Variants in HACE1 observed in about 807,000 individuals in gnomAD.
The protein encoded by HACE1 is HECT domain and ankyrin repeat containing E3 ubiquitin protein ligase 1.
Under a neutral mutation model 118.4 loss-of-function variants are expected in HACE1, and 73 were observed. The observed-to-expected ratio is 0.62, with a 90% CI of 0.51 to 0.75. The LOEUF (loss-of-function observed/expected upper bound fraction) is 0.75, where lower values mean the gene tolerates loss of function less well. Among genes scored for constraint, HACE1 ranks in the 30% least tolerant of loss-of-function variants. The pLI, the probability that HACE1 is intolerant of heterozygous loss-of-function variation, is 0.00. For synonymous variants in HACE1, 368 were observed against 374.8 expected (o/e 0.98, Z 0.21); for missense variants, 749 against 1,102.2 (o/e 0.68, Z 4.54).
rs572503355 is a variant in HACE1 at position 104,799,905 on chromosome 6, G to A, written c.618-2880C>T. 5.2e-5 allele frequency among the ~76,000 whole-genome samples: 7 copies of A among 135,056 alleles called. No homozygotes were observed. The East Asian group carries it at 1.2e-3, about 24-fold the overall frequency. The allele number at this position is 135,056 out of a possible 152,430, so 88.6% of individuals were successfully genotyped here. A position where few individuals can be genotyped will look rare whatever the true frequency, so the allele number is the denominator to read the frequency against. On this transcript the variant is annotated intron_variant, in intron 7 of 23. Coordinates refer to ENST00000262903, the MANE Select transcript of HACE1 (RefSeq NM_020771.4). ...GGACAGTAGGTGCAGCCCACGGAGG[G>A]TGAGCACCTCACTTGGGAAGCTCAA... is the stretch of plus-strand genomic sequence containing the variant.
At chr6:104,797,994 G>C (rs1182576869) in intron 7 of HACE1, among the ~76,000 whole-genome samples, 2 of 151,600 alleles carry the variant, frequency 1.3e-5, no homozygotes, top group African/African-American at 4.8e-5. Context: ...CTTGAACCCG[G>C]GAGGCAGAAG....
intron 18 of HACE1, 124 bp from the exon 19 acceptor site, chr6:104,771,513 A>C (rs1237021552): frequency 1.6e-6 from 1 of 642,762 alleles, no homozygotes; most frequent in Non-Finnish European, 2.8e-6. Flanking sequence ...TCCTACACAC[A>C]GCATATTTTA....
chr6:104,798,874 C>G (rs1027351079), intron 7 of HACE1, among the ~76,000 whole-genome samples: 1 of 152,144 alleles, frequency 6.6e-6, no homozygotes, highest in Admixed American at 6.5e-5. Flanking sequence ...AATGATATCT[C>G]TTTTACAGTT....
At chr6:104,752,983 T>C (rs906955950) in intron 19 of HACE1, among the ~76,000 whole-genome samples, 2 of 152,164 alleles carry the variant, frequency 1.3e-5, no homozygotes, top group Non-Finnish European at 2.9e-5. Flanking sequence ...AACACTTAAT[T>C]TTTCAGTAAT....
intron 6 of HACE1, among the ~76,000 whole-genome samples, chr6:104,830,860 G>A (rs1457072125): frequency 6.8e-6 from 1 of 146,840 alleles, no homozygotes; most frequent in Non-Finnish European, 1.5e-5. Flanking sequence ...TTTCTGACCT[G>A]TTCTGGTTCA....
chr6:104,841,133 A>AT (rs1443295502), intron 5 of HACE1, among the ~76,000 whole-genome samples: 19 of 152,162 alleles, frequency 1.2e-4, no homozygotes, highest in Admixed American at 1.1e-3. Flanking sequence ...AAAAAAAAAA[A>AT]AATAGCTGAG....
intron 6 of HACE1, among the ~76,000 whole-genome samples, chr6:104,822,814 G>A (rs994517650): frequency 3.9e-5 from 6 of 151,944 alleles, no homozygotes; most frequent in African/African-American, 7.3e-5. Flanking sequence ...CGGAGATCGC[G>A]CCACTGCACT....
chr6:104,728,699 TCAAGTA>T lies in HACE1; in HGVS notation c.*957_*962del, dbSNP rs1774896829. 1 of 152,180 alleles carries T rather than the reference TCAAGTA, an allele frequency of 6.6e-6. No individual in the cohort carries two copies. Among genetic ancestry groups the T allele is most frequent in the South Asian group, 2.1e-4 (1 of 4,836 alleles). 9.4% of individuals were successfully genotyped at this position (152,180 alleles called of 1,614,324 possible). A position where few individuals can be genotyped will look rare whatever the true frequency, so the allele number is the denominator to read the frequency against. On this transcript the variant is annotated 3_prime_UTR_variant, in exon 24 of 24. Transcript: ENST00000262903. Reference sequence around the variant, plus strand: ...CTGTTCAAACATATGCTGTAACTATTCAAGTACGTCTTTTCAAAATAAAACTGATTA... The same window carrying T: ...CTGTTCAAACATATGCTGTAACTATTCGTCTTTTCAAAATAAAACTGATTA...
intron 23 of HACE1, 94 bp downstream of exon 23, chr6:104,730,209 G>C: frequency 1.3e-6 from 1 of 747,792 alleles, no homozygotes; most frequent in Non-Finnish European, 2.4e-6. Flanking sequence ...CACAGCTGAG[G>C]TTTTCCTCCC....
In HACE1 at chr6:104,859,613, G is replaced by A; in HGVS notation, c.30C>T (p.Arg10=). The change falls in exon 1 of 24, where the codon CGC becomes CGT. Residue 10 remains arginine, a synonymous_variant. Coordinates refer to ENST00000262903, the MANE Select transcript of HACE1 (RefSeq NM_020771.4). MERAMEQLN[R]LTRSLRRART... ...GCGCGCGGCGCAGCGAGCGCGTCAG[G>A]CGGTTGAGTTGCTCCATCGCTCTCT... 1 of 1,531,562 alleles carries A rather than the reference G, an allele frequency of 6.5e-7. No individual in the cohort carries two copies. The highest frequency in any genetic ancestry group is 8.7e-7 in the Non-Finnish European group (1 of 1,142,964). 94.9% of individuals were successfully genotyped at this position (1,531,562 alleles called of 1,614,324 possible). A position where few individuals can be genotyped will look rare whatever the true frequency, so the allele number is the denominator to read the frequency against.
intron 7 of HACE1, among the ~76,000 whole-genome samples, chr6:104,798,455 T>A (rs1769935625): frequency 6.6e-6 from 1 of 152,156 alleles, no homozygotes. Flanking sequence ...CTCTGCAACG[T>A]TATTATAGGT....
chr6:104,768,271 T>C (rs114914086), intron 19 of HACE1, among the ~76,000 whole-genome samples: 1 of 152,086 alleles, frequency 6.6e-6, no homozygotes, highest in Non-Finnish European at 1.5e-5. Flanking sequence ...TAGTTCAAAA[T>C]TATAAAGTCG....
intron 7 of HACE1, among the ~76,000 whole-genome samples, chr6:104,806,544 C>A (rs1771017724): frequency 6.6e-6 from 1 of 152,066 alleles, no homozygotes; most frequent in Admixed American, 6.5e-5. Flanking sequence ...AAAATCTGCA[C>A]AACGCAGTTA....
At position 104,773,771 on chromosome 6, in the gene HACE1, T is replaced by TAA. The variant is rs199641990; in HGVS notation, c.1865-1699_1865-1698dup. On this transcript the variant is annotated intron_variant, in intron 17 of 23. Transcript: ENST00000262903. Reference sequence around the variant, plus strand: ...AAAAGAATAGATAAGGAGACTTTTTTAAAAAAAAAAAAGGAAACATATAGG... The same window carrying TAA: ...AAAAGAATAGATAAGGAGACTTTTTTAAAAAAAAAAAAAAGGAAACATATAGG... Among the ~76,000 whole-genome samples the TAA allele has an allele frequency of 3.9e-3, 570 of 147,550 alleles. 2 individuals carry two copies. The highest frequency in any genetic ancestry group is 0.013 in the African/African-American group (506 of 40,470).
chr6:104,769,864 T>A (rs1780426646), intron 19 of HACE1, among the ~76,000 whole-genome samples: 1 of 152,184 alleles, frequency 6.6e-6, no homozygotes, highest in South Asian at 2.1e-4. Flanking sequence ...TACACTATAG[T>A]ATCTTAAGTT....
At chr6:104,848,619 T>C (rs895566245) in intron 4 of HACE1, among the ~76,000 whole-genome samples, 1 of 152,144 alleles carries the variant, frequency 6.6e-6, no homozygotes, top group Non-Finnish European at 1.5e-5. Context: ...CCCTAGTATC[T>C]AAGAAGATTA....
chr6:104,730,552 A>C, intron 22 of HACE1, 136 bp from the exon 23 acceptor site: 1 of 659,128 alleles, frequency 1.5e-6, no homozygotes, highest in South Asian at 1.6e-5. Flanking sequence ...AGTCTACAAA[A>C]CTCCAATTCA....
At position 104,786,360 on chromosome 6, in the gene HACE1, C is replaced by T. The variant is rs1447517567; in HGVS notation, c.1075-1041G>A. ...CATCTCAAAAAAAAAAAAAAAAATA[C>T]TGAGTAGCAAATTCTTAATTCCAAG... On this transcript the variant is annotated intron_variant, in intron 11 of 23. Coordinates refer to ENST00000262903, the MANE Select transcript of HACE1 (RefSeq NM_020771.4). 2.1e-5 allele frequency: 3 copies of T among 142,150 alleles called. No homozygotes were observed. In the Admixed American group the frequency reaches 2.1e-4, roughly 10 times the overall value. 8.8% of individuals were successfully genotyped at this position (142,150 alleles called of 1,614,324 possible).
At chr6:104,811,469 T>C in intron 6 of HACE1, 76 bp from the exon 7 acceptor site, 4 of 738,208 alleles carry the variant, frequency 5.4e-6, no homozygotes, top group Non-Finnish European at 9.8e-6. Flanking sequence ...TTTTAATCCA[T>C]ATAAGGGAAG....
Sources: allele counts gnomAD v4.1 joint callset (sites outside exome capture counted in the v4.1 genomes callset), GRCh38; gene constraint gnomAD v4.1.1; transcripts MANE v1.5; gene names NCBI Gene and HGNC (gene_info 2026-07-23, HGNC 2026-07-21).